The following DNAJC1 variants were observed in gnomAD, a reference collection of about 807,000 sequenced individuals.
DNAJC1 encodes dnaJ homolog subfamily C member 1.
DNAJC1 carries 58 observed loss-of-function variants against 76.6 expected under a neutral mutation model. The ratio of observed to expected loss-of-function variants is 0.76; its 90% CI spans 0.61 to 0.94. The LOEUF (loss-of-function observed/expected upper bound fraction) is 0.94, where lower values mean the gene tolerates loss of function less well. Ranked by LOEUF, DNAJC1 falls within the 40% of genes least tolerant of loss-of-function variation. DNAJC1 has a pLI of 0.00. For missense variants in DNAJC1, 689 were observed against 677.3 expected (o/e 1.02, Z -0.19); for synonymous variants, 258 against 267.9 (o/e 0.96, Z 0.36).
intron 1 of DNAJC1, among the ~76,000 whole-genome samples, chr10:21,958,616 C>T (rs1246916079): frequency 6.6e-6 from 1 of 152,024 alleles, no homozygotes; most frequent in African/African-American, 2.4e-5. Flanking sequence ...TTAGTAGAGA[C>T]GGGGTTTCAC....
chr10:21,765,227 T>A (rs184951736), intron 10 of DNAJC1, among the ~76,000 whole-genome samples: 54 of 152,008 alleles, frequency 3.6e-4, no homozygotes, highest in African/African-American at 8.0e-4. Context: ...TTTAAAAAAA[T>A]TTTTTTTTAC....
At chr10:21,852,098 C>T (rs1284622918) in intron 8 of DNAJC1, among the ~76,000 whole-genome samples, 2 of 15,838 alleles carry the variant, frequency 1.3e-4, no homozygotes, top group African/African-American at 5.1e-4. Flanking sequence ...GAGATACACA[C>T]ACACACACAC....
At chr10:21,843,930 G>C (rs1835614213) in intron 8 of DNAJC1, among the ~76,000 whole-genome samples, 1 of 152,022 alleles carries the variant, frequency 6.6e-6, no homozygotes. Context: ...TCAAGGGCAG[G>C]GTGAGGTGGA....
At position 21,888,797 on chromosome 10, in the gene DNAJC1, G is replaced by A. The variant is rs2131728706; in HGVS notation, c.821-6358C>T. Among the ~76,000 whole-genome samples the A allele has an allele frequency of 2.0e-5, 3 of 152,274 alleles. No individual in the cohort carries two copies. In the Middle Eastern group the frequency reaches 0.01, roughly 518 times the overall value. ...CTTGAGGTTGGAGGGTGGGAGGAGG[G>A]AGAGGAGTAGAAATGATAACTATTG... On this transcript the variant is annotated intron_variant, in intron 7 of 11. Coordinates refer to ENST00000376980, the MANE Select transcript of DNAJC1 (RefSeq NM_022365.4).
At chr10:21,946,476 C>T (rs778059663) in intron 1 of DNAJC1, among the ~76,000 whole-genome samples, 20 of 151,972 alleles carry the variant, frequency 1.3e-4, no homozygotes, top group Non-Finnish European at 2.9e-4. Context: ...GATAATGTAT[C>T]TTTATAAATA....
chr10:21,761,357 C>T (rs11812549), intron 10 of DNAJC1, among the ~76,000 whole-genome samples: 9 of 152,160 alleles, frequency 5.9e-5, no homozygotes, highest in East Asian at 5.8e-4. Flanking sequence ...GTCAGGAGTT[C>T]GAGACCAGCC....
At position 21,943,046 on chromosome 10, in the gene DNAJC1, A is replaced by C. The variant is rs954087114; in HGVS notation, c.223-13905T>G. On this transcript the variant is annotated intron_variant, in intron 1 of 11. Coordinates refer to ENST00000376980, the MANE Select transcript of DNAJC1 (RefSeq NM_022365.4). ...ACAAGTTAAAAAAATTTTTTTTTCAAGACAGAAATAAAAGTTTAAATTACA... is the reference window on the plus strand; with the variant it reads ...ACAAGTTAAAAAAATTTTTTTTTCACGACAGAAATAAAAGTTTAAATTACA... Among the ~76,000 whole-genome samples the C allele has an allele frequency of 1.8e-4, 28 of 152,200 alleles. No individual in the cohort carries two copies. In the East Asian group the frequency reaches 5.2e-3, roughly 28 times the overall value.
intron 8 of DNAJC1, among the ~76,000 whole-genome samples, chr10:21,808,101 T>C (rs745900442): frequency 1.1e-4 from 16 of 152,144 alleles, no homozygotes; most frequent in Admixed American, 2.6e-4. Context: ...AAGTTGATCA[T>C]TGCATAAAGA....
chr10:21,832,375 T>G (rs532347026), intron 8 of DNAJC1, among the ~76,000 whole-genome samples: 2 of 152,306 alleles, frequency 1.3e-5, no homozygotes, highest in South Asian at 4.1e-4. Context: ...ACATCTCTAG[T>G]TCTGATTTCT....
At chr10:21,765,361 C>T (rs767528652) in intron 10 of DNAJC1, among the ~76,000 whole-genome samples, 6 of 152,092 alleles carry the variant, frequency 3.9e-5, no homozygotes, top group Non-Finnish European at 5.9e-5. Flanking sequence ...CCACCACGCC[C>T]GGCTGGGGTG....
intron 9 of DNAJC1, among the ~76,000 whole-genome samples, chr10:21,784,514 T>G (rs991600243): frequency 1.3e-5 from 2 of 152,168 alleles, no homozygotes; most frequent in Non-Finnish European, 2.9e-5. Context: ...GATCTAGAAC[T>G]AGAAATACCA....
intron 1 of DNAJC1, among the ~76,000 whole-genome samples, chr10:21,962,021 T>C (rs945499128): frequency 6.6e-6 from 1 of 152,176 alleles, no homozygotes; most frequent in African/African-American, 2.4e-5. Context: ...CTTCAGGTCT[T>C]TGCTCAAATA....
intron 9 of DNAJC1, among the ~76,000 whole-genome samples, chr10:21,786,303 A>G (rs1037137692): frequency 2.6e-5 from 4 of 151,828 alleles, no homozygotes; most frequent in Admixed American, 2.6e-4. Flanking sequence ...AAGAAGAATT[A>G]AGAATTTACT....
At chr10:21,948,697 T>C (rs1187710431) in intron 1 of DNAJC1, among the ~76,000 whole-genome samples, 1 of 152,234 alleles carries the variant, frequency 6.6e-6, no homozygotes, top group Non-Finnish European at 1.5e-5. Context: ...TTGAACTTTA[T>C]CATAAGATAT....
chr10:21,837,805 C>T (rs1312081352), intron 8 of DNAJC1, among the ~76,000 whole-genome samples: 4 of 138,698 alleles, frequency 2.9e-5, no homozygotes, highest in Admixed American at 1.4e-4. Context: ...CCCGGCCAGC[C>T]GCCCCGTCCG....
intron 1 of DNAJC1, among the ~76,000 whole-genome samples, chr10:21,946,638 C>G (rs1292164873): frequency 6.6e-6 from 1 of 152,084 alleles, no homozygotes; most frequent in Non-Finnish European, 1.5e-5. Context: ...ACAAACCCAG[C>G]AATGATAGGG....
intron 9 of DNAJC1, among the ~76,000 whole-genome samples, chr10:21,784,005 A>G (rs1321435680): frequency 6.6e-6 from 1 of 152,166 alleles, no homozygotes; most frequent in Non-Finnish European, 1.5e-5. Flanking sequence ...AGGACTTTAT[A>G]TCTAAAACAC....
chr10:21,765,314 C>T (rs747857489), intron 10 of DNAJC1, among the ~76,000 whole-genome samples: 5 of 152,014 alleles, frequency 3.3e-5, no homozygotes, highest in Non-Finnish European at 4.4e-5. Context: ...GTGATCCTCC[C>T]GCCTCGGCCT....
intron 8 of DNAJC1, among the ~76,000 whole-genome samples, chr10:21,875,626 C>A (rs189094764): frequency 6.6e-6 from 1 of 152,166 alleles, no homozygotes; most frequent in Non-Finnish European, 1.5e-5. Flanking sequence ...ACAGAGAAAC[C>A]ATTAGAATTA....
Sources: allele counts gnomAD v4.1 joint callset (sites outside exome capture counted in the v4.1 genomes callset), GRCh38; gene constraint gnomAD v4.1.1; transcripts MANE v1.5; gene names NCBI Gene and HGNC (gene_info 2026-07-23, HGNC 2026-07-21).